SSBP2: variants seen among roughly 807,000 people sequenced by gnomAD.
The protein encoded by SSBP2 is single-stranded DNA-binding protein 2.
A neutral mutation model predicts 61.8 loss-of-function variants in SSBP2; 17 were observed. The observed-to-expected ratio is 0.28, with a 90% CI of 0.19 to 0.41. The LOEUF is 0.41. Among genes scored for constraint, SSBP2 ranks in the 10% least tolerant of loss-of-function variants. The pLI is 1.00. For missense variants in SSBP2, 310 were observed against 458.7 expected (o/e 0.68, Z 2.96); for synonymous variants, 139 against 141.3 (o/e 0.98, Z 0.12).
At chr5:81,528,708 A>G (rs1770151381) in intron 4 of SSBP2, among the ~76,000 whole-genome samples, 1 of 152,098 alleles carries the variant, frequency 6.6e-6, no homozygotes. Flanking sequence ...GTACTTAACT[A>G]GATAAGATTA....
At chr5:81,578,627 AGTGATT>A (rs1774411623) in intron 4 of SSBP2, among the ~76,000 whole-genome samples, 1 of 151,988 alleles carries the variant, frequency 6.6e-6, no homozygotes, top group Non-Finnish European at 1.5e-5. Flanking sequence ...TAAAAAAGAT[AGTGATT>A]AAGAGTGAGA....
intron 4 of SSBP2, among the ~76,000 whole-genome samples, chr5:81,598,385 A>G (rs1262576777): frequency 6.6e-6 from 1 of 152,202 alleles, no homozygotes; most frequent in East Asian, 1.9e-4. Context: ...GCACCTTTCA[A>G]AAATGCATAA....
chr5:81,710,629 C>A (rs115785067), intron 1 of SSBP2: 1 of 448,210 alleles, frequency 2.2e-6, no homozygotes, highest in Non-Finnish European at 4.5e-6. Context: ...AAGCACAAAC[C>A]TACAAATAGG....
chr5:81,741,646 CA>C (rs1757034652), intron 1 of SSBP2, among the ~76,000 whole-genome samples: 1 of 152,048 alleles, frequency 6.6e-6, no homozygotes, highest in Admixed American at 6.6e-5. Context: ...AGCTAAATGG[CA>C]AAGGAATAGA....
intron 12 of SSBP2, among the ~76,000 whole-genome samples, chr5:81,445,326 T>G (rs576246086): frequency 1.3e-5 from 2 of 150,816 alleles, no homozygotes; most frequent in African/African-American, 2.4e-5. Context: ...TAAAAGAGTA[T>G]GCAAAAAGAC....
chr5:81,446,761 T>C, intron 12 of SSBP2, 107 bp downstream of exon 12: 2 of 1,064,152 alleles, frequency 1.9e-6, no homozygotes, highest in Non-Finnish European at 2.7e-6. Flanking sequence ...CTCCTTTAAC[T>C]ATCGTGAGAA....
chr5:81,512,014 T>A (rs1404941419), intron 5 of SSBP2, among the ~76,000 whole-genome samples: 1 of 152,200 alleles, frequency 6.6e-6, no homozygotes, highest in African/African-American at 2.4e-5. Flanking sequence ...AACCCTAGAA[T>A]GAAAGAATCT....
chr5:81,477,419 T>A (rs552519489), intron 6 of SSBP2, among the ~76,000 whole-genome samples: 2 of 152,346 alleles, frequency 1.3e-5, no homozygotes, highest in East Asian at 3.9e-4. Context: ...TTCAGGATTA[T>A]TTTTAGTGTT....
intron 4 of SSBP2, among the ~76,000 whole-genome samples, chr5:81,593,486 G>T (rs891760291): frequency 2.0e-5 from 3 of 152,170 alleles, no homozygotes; most frequent in African/African-American, 7.2e-5. Context: ...AGGAAATACA[G>T]AGAACGCCAC....
chr5:81,544,786 CT>C (rs376353676), intron 4 of SSBP2, among the ~76,000 whole-genome samples: 1 of 152,324 alleles, frequency 6.6e-6, no homozygotes, highest in African/African-American at 2.4e-5. Context: ...CACAGCCAAA[CT>C]ACATTTCCCA....
intron 10 of SSBP2, among the ~76,000 whole-genome samples, chr5:81,459,856 C>T (rs761765381): frequency 6.6e-6 from 1 of 152,144 alleles, no homozygotes; most frequent in Non-Finnish European, 1.5e-5. Context: ...TAAAGGTACT[C>T]TATTCCAACA....
chr5:81,560,902 AT>A (rs1190507672), intron 4 of SSBP2, among the ~76,000 whole-genome samples: 1 of 152,168 alleles, frequency 6.6e-6, no homozygotes, highest in Non-Finnish European at 1.5e-5. Flanking sequence ...CAAGAATACA[AT>A]ACAGAATTAT....
chr5:81,477,624 C>A (rs906866391), intron 6 of SSBP2, among the ~76,000 whole-genome samples: 17 of 151,962 alleles, frequency 1.1e-4, no homozygotes, highest in Non-Finnish European at 2.2e-4. Flanking sequence ...CCCCACCCCC[C>A]ACACCCGCCA....
chr5:81,467,354 T>C (rs1468678131), intron 8 of SSBP2, among the ~76,000 whole-genome samples: 1 of 152,052 alleles, frequency 6.6e-6, no homozygotes, highest in Non-Finnish European at 1.5e-5. Flanking sequence ...GTAAACATTT[T>C]CAAATGAAAC....
intron 1 of SSBP2, among the ~76,000 whole-genome samples, chr5:81,729,318 T>C (rs1756101329): frequency 6.6e-6 from 1 of 151,970 alleles, no homozygotes. Context: ...TAAAAAAATA[T>C]AAAGAAATAA....
chr5:81,723,067 C>A (rs1437260064), intron 1 of SSBP2, among the ~76,000 whole-genome samples: 3 of 151,868 alleles, frequency 2.0e-5, no homozygotes, highest in African/African-American at 7.2e-5. Context: ...TCTTTCCTTT[C>A]TTTATGCTAA....
At chr5:81,520,905 T>C (rs1013600618) in intron 4 of SSBP2, among the ~76,000 whole-genome samples, 2 of 152,152 alleles carry the variant, frequency 1.3e-5, no homozygotes, top group Non-Finnish European at 2.9e-5. Flanking sequence ...CTATCCTTTA[T>C]TAAGTCACTT....
chr5:81,540,049 A>T (rs892019450), intron 4 of SSBP2, among the ~76,000 whole-genome samples: 1 of 152,166 alleles, frequency 6.6e-6, no homozygotes. Flanking sequence ...AGCTTCGTCC[A>T]TGTCCCTACA....
At chr5:81,474,647 TATG>T (rs1765468560) in intron 6 of SSBP2, 85 bp from the exon 7 acceptor site, 2 of 935,570 alleles carry the variant, frequency 2.1e-6, no homozygotes, top group South Asian at 1.8e-5. Context: ...TAAATGCTTG[TATG>T]ATAATTACAA....
Sources: gnomAD v4.1 joint callset for allele counts (sites outside exome capture counted in the v4.1 genomes callset) on GRCh38, gnomAD v4.1.1 for gene constraint, MANE v1.5 for transcripts, NCBI Gene and HGNC (gene_info 2026-07-23, HGNC 2026-07-21) for gene names.